The following PALS2 variants were observed in gnomAD, a reference collection of about 807,000 sequenced individuals.
The protein encoded by PALS2 is protein PALS2.
A neutral mutation model predicts 61.6 loss-of-function variants in PALS2; 27 were observed. That is an observed-to-expected ratio of 0.44 (90% CI 0.32 to 0.60). The LOEUF is 0.60. Among genes scored for constraint, PALS2 ranks in the 20% least tolerant of loss-of-function variants. PALS2 has a pLI of 0.05. For missense variants in PALS2, 554 were observed against 639.4 expected, an observed-to-expected ratio of 0.87 and a Z score of 1.44; for synonymous variants, 236 against 218.6, an observed-to-expected ratio of 1.08 and a Z score of -0.70.
chr7:24,595,511 TATATA>T (rs1318651913), intron 1 of PALS2, among the ~76,000 whole-genome samples: 2 of 100,470 alleles, frequency 2.0e-5, no homozygotes, highest in Non-Finnish European at 3.5e-5. Flanking sequence ...ATATATATAA[TATATA>T]ATATATATAA....
At position 24,692,081 on chromosome 7, in the gene PALS2, T is replaced by A. The variant is rs1788502200; in HGVS notation, c.*4467T>A. On this transcript the variant is annotated 3_prime_UTR_variant, in exon 12 of 12. Coordinates refer to ENST00000222644, the MANE Select transcript of PALS2 (RefSeq NM_001303037.2). ...AACGTTTTGCAATTTATATTCTTTT[T>A]AAAATATTTCCCATAATTCATCATG... The A allele has an allele frequency of 6.6e-6, 1 of 152,202 alleles. No homozygotes were observed. The highest frequency in any genetic ancestry group is 1.5e-5 in the Non-Finnish European group (1 of 68,008). 9.4% of individuals were successfully genotyped at this position (152,202 alleles called of 1,614,324 possible). A position where few individuals can be genotyped will look rare whatever the true frequency, so the allele number is the denominator to read the frequency against.
intron 1 of PALS2, among the ~76,000 whole-genome samples, chr7:24,583,019 T>G (rs1044490286): frequency 6.6e-6 from 1 of 150,398 alleles, no homozygotes; most frequent in African/African-American, 2.4e-5. Context: ...CTCAGCTTCC[T>G]GAGTGGCTGG....
chr7:24,687,374 T>A lies in PALS2; in HGVS notation c.1447-64T>A. Reference sequence around the variant, plus strand: ...ACCTATTTATTATATTCACTTCTAGTTGGAGTTTGAGCAAGTAAATATGCA... The same window carrying A: ...ACCTATTTATTATATTCACTTCTAGATGGAGTTTGAGCAAGTAAATATGCA... On this transcript the variant is annotated intron_variant, in intron 11 of 11. Coordinates refer to ENST00000222644, the MANE Select transcript of PALS2 (RefSeq NM_001303037.2). The surrounding 1 kb of genome is among the most constrained non-coding windows in gnomAD (Gnocchi z 4.5). The A allele has an allele frequency of 8.2e-7, 1 of 1,220,326 alleles. No homozygotes were observed. Among genetic ancestry groups the A allele is most frequent in the Non-Finnish European group, 1.2e-6 (1 of 850,242 alleles). 75.6% of individuals were successfully genotyped at this position (1,220,326 alleles called of 1,614,324 possible).
chr7:24,613,801 T>A (rs781226137), intron 1 of PALS2, among the ~76,000 whole-genome samples: 1 of 151,940 alleles, frequency 6.6e-6, no homozygotes, highest in Non-Finnish European at 1.5e-5. Flanking sequence ...TTCTGTAAGA[T>A]CAACTTTTTT....
intron 1 of PALS2, among the ~76,000 whole-genome samples, chr7:24,593,599 G>A (rs1783383400): frequency 6.6e-6 from 1 of 152,116 alleles, no homozygotes; most frequent in African/African-American, 2.4e-5. Context: ...TGTTGTATTA[G>A]CAGGCATGAA....
intron 1 of PALS2, among the ~76,000 whole-genome samples, chr7:24,612,894 T>C (rs904303009): frequency 2.6e-5 from 4 of 151,962 alleles, no homozygotes; most frequent in Admixed American, 6.6e-5. Flanking sequence ...CCTGACTTAA[T>C]AGTAAAGCTT....
chr7:24,671,377 G>C (rs1157056878), intron 9 of PALS2, among the ~76,000 whole-genome samples: 2 of 152,136 alleles, frequency 1.3e-5, no homozygotes, highest in Admixed American at 6.5e-5. Context: ...TAGGTTATTT[G>C]TCCTTTTCTT....
intron 11 of PALS2, among the ~76,000 whole-genome samples, chr7:24,682,446 C>T (rs2128034334): frequency 6.6e-6 from 1 of 152,284 alleles, no homozygotes; most frequent in Non-Finnish European, 1.5e-5. Context: ...CTGGGTCTCC[C>T]TGGACTCAGC....
intron 1 of PALS2, among the ~76,000 whole-genome samples, chr7:24,584,672 T>A (rs1371161266): frequency 3.9e-5 from 6 of 152,002 alleles, no homozygotes; most frequent in Non-Finnish European, 8.8e-5. Flanking sequence ...TTTAATTAGA[T>A]CCCATTTGTC....
At chr7:24,592,715 C>T (rs996086823) in intron 1 of PALS2, among the ~76,000 whole-genome samples, 3 of 152,192 alleles carry the variant, frequency 2.0e-5, no homozygotes, top group African/African-American at 7.2e-5. Context: ...AGTATGATTA[C>T]ACTACACTGT....
At chr7:24,680,116 A>G (rs1027446431) in intron 10 of PALS2, among the ~76,000 whole-genome samples, 1 of 152,198 alleles carries the variant, frequency 6.6e-6, no homozygotes, top group Non-Finnish European at 1.5e-5. Context: ...GAATTCTACA[A>G]TTAACATAAA....
rs966848097 is a variant in PALS2, at chr7:24,681,992, C to G, written c.1446+1472C>G. Among the ~76,000 whole-genome samples the G allele has an allele frequency of 1.8e-4, 28 of 152,128 alleles. 1 individual carries two copies. Among genetic ancestry groups the G allele is most frequent in the African/African-American group, 4.8e-5 (2 of 41,436 alleles). On this transcript the variant is annotated intron_variant, in intron 11 of 11. Coordinates refer to ENST00000222644, the MANE Select transcript of PALS2 (RefSeq NM_001303037.2). ...GATTGGTTTTGATTGAATGATTTTT[C>G]TCTTTATTATGAGTATATCTTCCTG...
At chr7:24,633,385 G>A (rs1785092312) in intron 2 of PALS2, among the ~76,000 whole-genome samples, 2 of 117,558 alleles carry the variant, frequency 1.7e-5, no homozygotes, top group Admixed American at 2.0e-4. Context: ...AACATTTAAA[G>A]ATTTCACTCT....
chr7:24,681,523 AG>A (rs1474226337), intron 11 of PALS2, among the ~76,000 whole-genome samples: 1 of 150,846 alleles, frequency 6.6e-6, no homozygotes, highest in Non-Finnish European at 1.5e-5. Flanking sequence ...AGTTTCTCCA[AG>A]ATTTTTTTTT....
intron 8 of PALS2, 31 bp downstream of exon 8, chr7:24,666,120 A>T (rs1224225141): frequency 6.4e-7 from 1 of 1,554,812 alleles, no homozygotes; most frequent in Non-Finnish European, 8.9e-7. Context: ...GAGAAGTCCA[A>T]GTGAAGTAGC....
chr7:24,641,842 G>A lies in PALS2; in HGVS notation c.244G>A (p.Gly82Ser). ...GGATGAAAATGTGGCAGAATTGGTT[G>A]GTATACTCAAAGAACCTCACTTCCA... is the stretch of plus-strand genomic sequence containing the variant. ...NVDENVAELV[G>S]ILKEPHFQSL... The change falls in exon 3 of 12, where the codon GGT becomes AGT. Residue 82 changes from glycine to serine, a missense_variant. By Grantham distance (56) the Gly-to-Ser change is moderately conservative. Transcript: ENST00000222644. 1 of 1,612,362 alleles carries A rather than the reference G, an allele frequency of 6.2e-7. No homozygotes were observed. Among genetic ancestry groups the A allele is most frequent in the Non-Finnish European group, 8.5e-7 (1 of 1,179,480 alleles).
chr7:24,615,917 T>C (rs191193241), intron 1 of PALS2, among the ~76,000 whole-genome samples: 6 of 152,198 alleles, frequency 3.9e-5, no homozygotes, highest in African/African-American at 1.4e-4. Flanking sequence ...AATCAATAAA[T>C]GTGACTCATG....
intron 1 of PALS2, among the ~76,000 whole-genome samples, chr7:24,578,480 A>G (rs559201876): frequency 2.0e-5 from 3 of 152,308 alleles, no homozygotes; most frequent in South Asian, 2.1e-4. Context: ...TTATCGTTCA[A>G]ATGCAGCCAA....
intron 1 of PALS2, among the ~76,000 whole-genome samples, chr7:24,612,324 C>G (rs1784144092): frequency 6.6e-6 from 1 of 151,870 alleles, no homozygotes; most frequent in Non-Finnish European, 1.5e-5. Flanking sequence ...TAATACTGCA[C>G]TATTTGAATA....
Sources: allele counts gnomAD v4.1 joint callset (sites outside exome capture counted in the v4.1 genomes callset), GRCh38; gene constraint gnomAD v4.1.1; non-coding constraint Gnocchi (gnomAD v3.1); transcripts MANE v1.5; gene names NCBI Gene and HGNC (gene_info 2026-07-23, HGNC 2026-07-21).